The following ARFGEF1 variants were observed in gnomAD, a reference collection of about 807,000 sequenced individuals.
The protein encoded by ARFGEF1 is brefeldin A-inhibited guanine nucleotide-exchange protein 1.
In ARFGEF1, 42 loss-of-function variants were observed where a neutral mutation model predicts 231.0. The ratio of observed to expected loss-of-function variants is 0.18; its 90% confidence interval spans 0.14 to 0.24. The LOEUF is 0.24. Among genes scored for constraint, ARFGEF1 ranks in the 10% least tolerant of loss-of-function variants. The pLI, the probability that ARFGEF1 is intolerant of heterozygous loss-of-function variation, is 1.00. For missense variants in ARFGEF1, 1,345 were observed against 2,192.0 expected (o/e 0.61, Z 7.72); for synonymous variants, 710 against 732.3 (o/e 0.97, Z 0.49).
intron 10 of ARFGEF1, among the ~76,000 whole-genome samples, chr8:67,268,788 T>C (rs1410833375): frequency 6.6e-6 from 1 of 152,238 alleles, no homozygotes; most frequent in African/African-American, 2.4e-5. Context: ...AAATACATAG[T>C]AGGCTGTGAA....
In ARFGEF1 at chr8:67,258,128, A is replaced by G; in HGVS notation, c.2398T>C (p.Leu800=). Residue 800 remains leucine, a synonymous_variant, in exon 16 of 39, where the codon TTA becomes CTA. Transcript: ENST00000262215. ...TATCTTGCAGCAAATTTTTCCATTAATCGATCGATTTTCTGAGCTTCCCCT... is the reference window on the plus strand; with the variant it reads ...TATCTTGCAGCAAATTTTTCCATTAGTCGATCGATTTTCTGAGCTTCCCCT... The part of the protein sequence containing the change: ...LPGEAQKIDR[L]MEKFAARYLE... 1.2e-6 allele frequency: 2 copies of G among 1,613,984 alleles called. No homozygotes were observed. Among genetic ancestry groups the G allele is most frequent in the Non-Finnish European group, 1.7e-6 (2 of 1,179,946 alleles).
At chr8:67,314,701 C>T (rs1807223822) in intron 1 of ARFGEF1, among the ~76,000 whole-genome samples, 2 of 152,124 alleles carry the variant, frequency 1.3e-5, no homozygotes, top group Admixed American at 6.5e-5. Flanking sequence ...CTCAGGATTG[C>T]TGGTTTGTTC....
At chr8:67,199,179 G>A (rs114349392) in intron 38 of ARFGEF1, 81 bp from the exon 39 acceptor site, 1 of 1,516,206 alleles carries the variant, frequency 6.6e-7, no homozygotes, top group African/African-American at 1.4e-5. Context: ...ACTACTCTGG[G>A]GCTCCATCAC....
At chr8:67,306,087 C>T (rs1230176987) in intron 1 of ARFGEF1, among the ~76,000 whole-genome samples, 1 of 152,156 alleles carries the variant, frequency 6.6e-6, no homozygotes, top group Non-Finnish European at 1.5e-5. Context: ...CACCTTTTCA[C>T]CTAAAGGAAG....
chr8:67,211,536 A>G lies in ARFGEF1; in HGVS notation c.4766T>C (p.Leu1589Pro). Residue 1589 changes from leucine to proline, a missense_variant, in exon 34 of 39, where the codon CTG (leucine) becomes CCG (proline). Leu to Pro is a moderately conservative substitution (Grantham distance 98, BLOSUM62 -3). This residue lies in a region of ARFGEF1 where 89 missense variants were observed against 74.8 expected (regional missense o/e 1.19). Coordinates refer to ENST00000262215, the MANE Select transcript of ARFGEF1 (RefSeq NM_006421.5). ...RSVDNRPQAP[L>P]VSASAVNEEV... ...TTCATTAACAGCAGACGCAGAAACC[A>G]GTGGTGCTTGTGGTCTGTTATCCAC... 6.3e-7 allele frequency: 1 copy of G among 1,596,644 alleles called. No individual in the cohort carries two copies. Among genetic ancestry groups the G allele is most frequent in the Non-Finnish European group, 8.5e-7 (1 of 1,172,590 alleles).
At position 67,177,713 on chromosome 8, in the gene ARFGEF1, G is replaced by A. The variant is rs371166744; in HGVS notation, c.561-2141C>T. The A allele has an allele frequency of 1.2e-6, 2 of 1,611,352 alleles. No homozygotes were observed. Among genetic ancestry groups the A allele is most frequent in the African/African-American group, 1.3e-5 (1 of 74,850 alleles). On this transcript the variant is annotated intron_variant, in intron 5 of 5. Transcript: ENST00000518789. Reference sequence around the variant, plus strand: ...GATGCCATCCCAAGTGCTAAAGTACGAGAGCAAAGAATGGTAAGCAACCAG... The same window carrying A: ...GATGCCATCCCAAGTGCTAAAGTACAAGAGCAAAGAATGGTAAGCAACCAG...
At chr8:67,176,370 A>G (rs1284749796) in intron 5 of ARFGEF1, among the ~76,000 whole-genome samples, 1 of 152,166 alleles carries the variant, frequency 6.6e-6, no homozygotes, top group African/African-American at 2.4e-5. Context: ...TTCATGAGAT[A>G]GCATCACAGG....
intron 22 of ARFGEF1, among the ~76,000 whole-genome samples, chr8:67,237,985 C>A (rs1000198589): frequency 2.6e-5 from 4 of 152,194 alleles, no homozygotes; most frequent in Non-Finnish European, 5.9e-5. Context: ...GCTGGTTAGG[C>A]CTGCTCATTG....
At chr8:67,270,885 G>A (rs1449073520) in intron 10 of ARFGEF1, among the ~76,000 whole-genome samples, 5 of 151,294 alleles carry the variant, frequency 3.3e-5, no homozygotes, top group South Asian at 2.1e-4. Context: ...TTAGCCAGGC[G>A]TGGTGGCACA....
chr8:67,307,466 A>G (rs1806801360), intron 1 of ARFGEF1, among the ~76,000 whole-genome samples: 1 of 152,216 alleles, frequency 6.6e-6, no homozygotes, highest in African/African-American at 2.4e-5. Context: ...TTCCACGGAC[A>G]AGGAAGAAGA....
intron 1 of ARFGEF1, among the ~76,000 whole-genome samples, chr8:67,322,707 AAAC>A (rs1376029588): frequency 1.3e-5 from 2 of 152,168 alleles, no homozygotes; most frequent in African/African-American, 4.8e-5. Context: ...CGTCTCTTAA[AAAC>A]AAAAACAAAA....
chr8:67,337,339 C>T (rs1006155450), intron 1 of ARFGEF1, among the ~76,000 whole-genome samples: 6 of 151,954 alleles, frequency 3.9e-5, no homozygotes, highest in African/African-American at 1.2e-4. Flanking sequence ...AGGTGAATGC[C>T]ATCTTCCTCT....
intron 21 of ARFGEF1, 104 bp downstream of exon 21, chr8:67,238,631 G>A (rs1272684813): frequency 6.9e-7 from 1 of 1,456,588 alleles, no homozygotes. Flanking sequence ...TATTCGAAAT[G>A]TACTAATTTT....
intron 7 of ARFGEF1, among the ~76,000 whole-genome samples, chr8:67,285,029 A>G (rs893850817): frequency 4.0e-5 from 6 of 149,472 alleles, no homozygotes; most frequent in South Asian, 2.2e-4. Flanking sequence ...AAATAAAAAT[A>G]ATGATGATAC....
chr8:67,216,759 A>G (rs1209849245), intron 32 of ARFGEF1, 97 bp from the exon 33 acceptor site: 1 of 843,700 alleles, frequency 1.2e-6, no homozygotes, highest in Non-Finnish European at 1.8e-6. Context: ...ACAAGAACAT[A>G]CCAACTAAAC....
At chr8:67,342,107 TA>T in intron 1 of ARFGEF1, among the ~76,000 whole-genome samples, 1 of 152,350 alleles carries the variant, frequency 6.6e-6, no homozygotes, top group East Asian at 1.9e-4. Context: ...TGCTTTTTTG[TA>T]AAGCCCATTT....
intron 19 of ARFGEF1, among the ~76,000 whole-genome samples, chr8:67,246,251 A>T (rs1840102563): frequency 6.6e-6 from 1 of 150,548 alleles, no homozygotes; most frequent in East Asian, 1.9e-4. Flanking sequence ...TCTGCACTAC[A>T]TAACAAATGG....
chr8:67,307,205 T>A (rs561262333), intron 1 of ARFGEF1, among the ~76,000 whole-genome samples: 2 of 152,264 alleles, frequency 1.3e-5, no homozygotes, highest in Non-Finnish European at 1.5e-5. Context: ...AAAATACTTA[T>A]GGAATTCATC....
rs1186104295 is a variant in ARFGEF1, at chr8:67,251,292, T to G, written c.2850+7A>C. On this transcript the variant is annotated splice_region_variant and intron_variant, in intron 19 of 38. Transcript: ENST00000262215. ...ACTGCAATCAAACATTACTTGAAAA[T>G]TCTAACCTTAAACATGGGCCTCACA... is the stretch of plus-strand genomic sequence containing the variant. 2 of 1,579,390 alleles carry G rather than the reference T, an allele frequency of 1.3e-6. No individual in the cohort carries two copies. The highest frequency in any genetic ancestry group is 1.7e-6 in the Non-Finnish European group (2 of 1,166,540).
Sources: gnomAD v4.1 joint callset for allele counts (sites outside exome capture counted in the v4.1 genomes callset) on GRCh38, gnomAD v4.1.1 for gene constraint, gnomAD v4.1.1 regional missense constraint, MANE v1.5 for transcripts, NCBI Gene and HGNC (gene_info 2026-07-23, HGNC 2026-07-21) for gene names.